The following CELF4 variants were observed in gnomAD, a reference collection of about 807,000 sequenced individuals.
CELF4 encodes the protein CUGBP Elav-like family member 4.
In CELF4, 18 loss-of-function variants were observed where a neutral mutation model predicts 59.9. The observed-to-expected ratio is 0.30, with a 90% CI of 0.21 to 0.45. CELF4 has a LOEUF of 0.45. Among genes scored for constraint, CELF4 ranks in the 20% least tolerant of loss-of-function variants. CELF4 has a pLI of 1.00. For synonymous variants in CELF4, 261 were observed against 267.1 expected (o/e 0.98, Z 0.22); for missense variants, 456 against 689.0 (o/e 0.66, Z 3.79).
At chr18:37,312,071 A>G (rs2096677857) in intron 3 of CELF4, among the ~76,000 whole-genome samples, 1 of 144,396 alleles carries the variant, frequency 6.9e-6, no homozygotes, top group Non-Finnish European at 1.5e-5. Context: ...ATATCACGCC[A>G]CTGCACTCCA....
intron 2 of CELF4, among the ~76,000 whole-genome samples, chr18:37,431,174 T>C (rs1380494531): frequency 6.6e-6 from 1 of 152,136 alleles, no homozygotes; most frequent in Non-Finnish European, 1.5e-5. Flanking sequence ...GCCATCTAGT[T>C]CACTCCCTGG....
intron 2 of CELF4, among the ~76,000 whole-genome samples, chr18:37,463,338 A>C (rs948392054): frequency 1.3e-5 from 2 of 152,176 alleles, no homozygotes; most frequent in African/African-American, 4.8e-5. Flanking sequence ...GCAACTCCCC[A>C]GAGCCCTTGC....
At chr18:37,445,428 G>A (rs1402631349) in intron 2 of CELF4, among the ~76,000 whole-genome samples, 1 of 152,046 alleles carries the variant, frequency 6.6e-6, no homozygotes, top group Non-Finnish European at 1.5e-5. Context: ...GGTGTCTGGG[G>A]CCTGCAGCTG....
intron 2 of CELF4, among the ~76,000 whole-genome samples, chr18:37,390,807 A>AGTG (rs2154576483): frequency 1.8e-5 from 1 of 57,130 alleles, no homozygotes; most frequent in African/African-American, 8.5e-5. Flanking sequence ...TGGGGCGGGG[A>AGTG]GGGGGGGCAG....
At chr18:37,383,634 T>C (rs978072920) in intron 2 of CELF4, among the ~76,000 whole-genome samples, 4 of 152,234 alleles carry the variant, frequency 2.6e-5, no homozygotes, top group African/African-American at 4.8e-5. Flanking sequence ...GTGGCATCTG[T>C]AAACCACTCC....
intron 2 of CELF4, among the ~76,000 whole-genome samples, chr18:37,398,365 A>T (rs2099272038): frequency 6.6e-6 from 1 of 152,170 alleles, no homozygotes; most frequent in Non-Finnish European, 1.5e-5. Flanking sequence ...TATTGTGGAC[A>T]ATGACCTTTA....
chr18:37,489,320 G>C (rs956757109), intron 1 of CELF4, among the ~76,000 whole-genome samples: 2 of 152,258 alleles, frequency 1.3e-5, no homozygotes, highest in African/African-American at 4.8e-5. Flanking sequence ...TGAGGGCAGA[G>C]CCCTGGGGGC....
At chr18:37,489,471 C>T (rs1338240484) in intron 1 of CELF4, among the ~76,000 whole-genome samples, 1 of 152,062 alleles carries the variant, frequency 6.6e-6, no homozygotes, top group East Asian at 1.9e-4. Flanking sequence ...TCACTGCTCT[C>T]TCCTAGGGAG....
intron 3 of CELF4, among the ~76,000 whole-genome samples, chr18:37,291,948 C>T (rs928639177): frequency 6.6e-6 from 1 of 151,998 alleles, no homozygotes; most frequent in Non-Finnish European, 1.5e-5. Flanking sequence ...TTCTAAACCC[C>T]AAGGTGATGG....
intron 3 of CELF4, among the ~76,000 whole-genome samples, chr18:37,277,288 G>A (rs1050294802): frequency 6.6e-6 from 1 of 152,188 alleles, no homozygotes; most frequent in East Asian, 1.9e-4. Context: ...CCTCCAACAG[G>A]GTGGGCCTCA....
intron 2 of CELF4, among the ~76,000 whole-genome samples, chr18:37,445,628 T>TGGGGTGGCAGATGC (rs1408643780): frequency 2.6e-5 from 4 of 151,048 alleles, no homozygotes; most frequent in Non-Finnish European, 5.9e-5. Context: ...CCCGCAAGGA[T>TGGGGTGGCAGATGC]GGGGTGGCAG....
chr18:37,507,430 A>T (rs563454694), intron 1 of CELF4, among the ~76,000 whole-genome samples: 1 of 152,286 alleles, frequency 6.6e-6, no homozygotes, highest in African/African-American at 2.4e-5. Context: ...CTCCTAATTC[A>T]TCCCCTGGCC....
intron 2 of CELF4, among the ~76,000 whole-genome samples, chr18:37,451,555 G>C (rs890393441): frequency 6.6e-6 from 1 of 152,186 alleles, no homozygotes; most frequent in African/African-American, 2.4e-5. Flanking sequence ...GTGTGTGTGT[G>C]TCTGTGGTTT....
At chr18:37,492,236 C>G (rs2099908161) in intron 1 of CELF4, among the ~76,000 whole-genome samples, 1 of 152,092 alleles carries the variant, frequency 6.6e-6, no homozygotes, top group Admixed American at 6.5e-5. Flanking sequence ...CTAGCCAGAC[C>G]TAGGGGCCGA....
At chr18:37,288,500 A>G (rs2095032654) in intron 3 of CELF4, among the ~76,000 whole-genome samples, 1 of 152,214 alleles carries the variant, frequency 6.6e-6, no homozygotes, top group Non-Finnish European at 1.5e-5. Flanking sequence ...ACAGATGAGG[A>G]AACGAAGGCA....
At chr18:37,474,344 G>A (rs771173229) in intron 2 of CELF4, among the ~76,000 whole-genome samples, 2 of 152,240 alleles carry the variant, frequency 1.3e-5, no homozygotes, top group East Asian at 3.8e-4. Context: ...GGTAGGCCAG[G>A]TGTGTGGTGA....
chr18:37,465,686 CA>C (rs1182574942), intron 2 of CELF4, among the ~76,000 whole-genome samples: 1 of 152,092 alleles, frequency 6.6e-6, no homozygotes, highest in Non-Finnish European at 1.5e-5. Flanking sequence ...TAATATAAAA[CA>C]GAGTGCAATG....
intron 2 of CELF4, among the ~76,000 whole-genome samples, chr18:37,441,025 C>A (rs1290479266): frequency 6.6e-6 from 1 of 152,194 alleles, no homozygotes; most frequent in Non-Finnish European, 1.5e-5. Flanking sequence ...GTTACTACCA[C>A]CACAACCGTA....
chr18:37,553,398 G>A (rs116085634), intron 1 of CELF4, among the ~76,000 whole-genome samples: 301 of 152,246 alleles, frequency 2.0e-3, no homozygotes, highest in African/African-American at 6.5e-3. Context: ...AGTGTGCCAC[G>A]TGTGTGCGTC....
Sources: gnomAD v4.1 joint callset for allele counts (sites outside exome capture counted in the v4.1 genomes callset) on GRCh38, gnomAD v4.1.1 for gene constraint, MANE v1.5 for transcripts, NCBI Gene and HGNC (gene_info 2026-07-23, HGNC 2026-07-21) for gene names.